The following SNX25 variants were observed in gnomAD, a reference collection of about 807,000 sequenced individuals.
The protein encoded by SNX25 is sorting nexin 25.
In SNX25, 62 loss-of-function variants were observed where a neutral mutation model predicts 113.7. The observed-to-expected ratio is 0.55, with a 90% CI of 0.44 to 0.67. SNX25 has a LOEUF of 0.67. Ranked by LOEUF, SNX25 falls within the 30% of genes least tolerant of loss-of-function variation. The pLI is 0.00. For synonymous variants in SNX25, 421 were observed against 436.2 expected (o/e 0.97, Z 0.43); for missense variants, 1,014 against 1,161.0 (o/e 0.87, Z 1.84).
intron 3 of SNX25, among the ~76,000 whole-genome samples, chr4:185,259,541 C>T (rs1315823348): frequency 6.6e-6 from 1 of 152,038 alleles, no homozygotes; most frequent in Non-Finnish European, 1.5e-5. Flanking sequence ...AGAGAAATTT[C>T]ATTATGAAAG....
At chr4:185,245,355 T>C (rs191228113) in intron 1 of SNX25, among the ~76,000 whole-genome samples, 148 of 152,112 alleles carry the variant, frequency 9.7e-4, no homozygotes, top group African/African-American at 3.5e-3. Flanking sequence ...CTTTTTTTTT[T>C]CTCCCAGACA....
chr4:185,215,962 A>G (rs1221655558), intron 1 of SNX25, among the ~76,000 whole-genome samples: 1 of 151,812 alleles, frequency 6.6e-6, no homozygotes, highest in African/African-American at 2.4e-5. Context: ...ACACCCAGCT[A>G]ATTTTTGTAT....
intron 8 of SNX25, among the ~76,000 whole-genome samples, chr4:185,321,277 T>G (rs1226376333): frequency 1.3e-5 from 2 of 151,676 alleles, no homozygotes; most frequent in Admixed American, 6.6e-5. Context: ...TTTTTTTTTT[T>G]TTTGAGACGG....
chr4:185,358,927 A>G (rs1441574617), intron 16 of SNX25, among the ~76,000 whole-genome samples: 2 of 152,236 alleles, frequency 1.3e-5, no homozygotes, highest in Non-Finnish European at 2.9e-5. Flanking sequence ...TAATAGTTTT[A>G]CCATATAAAG....
downstream of SNX25, chr4:185,364,241 G>C (rs1354897213): frequency 3.3e-5 from 5 of 152,214 alleles, no homozygotes; most frequent in South Asian, 8.3e-4. Context: ...GGGCCGAGAT[G>C]GGGGAGCGGA....
intron 1 of SNX25, among the ~76,000 whole-genome samples, chr4:185,227,446 C>A (rs1456201592): frequency 6.6e-6 from 1 of 152,148 alleles, no homozygotes; most frequent in African/African-American, 2.4e-5. Context: ...TTGCTGTTCC[C>A]GAGTTTACCA....
chr4:185,213,706 A>G (rs1395459466), intron 1 of SNX25, among the ~76,000 whole-genome samples: 1 of 152,204 alleles, frequency 6.6e-6, no homozygotes, highest in Non-Finnish European at 1.5e-5. Flanking sequence ...CACTTGATCC[A>G]ATCAAAACAA....
Position 185,323,790 on chromosome 4 carries a change from A to C in SNX25, c.1739A>C (p.Lys580Thr). 2 of 1,612,810 alleles carry C rather than the reference A, an allele frequency of 1.2e-6. No homozygotes were observed. The highest frequency in any genetic ancestry group is 1.7e-6 in the Non-Finnish European group (2 of 1,179,698). The change falls in exon 9 of 19, where the codon AAG becomes ACG. Residue 580 changes from lysine (K) to threonine (T), a missense_variant. Coordinates refer to ENST00000652585, the MANE Select transcript of SNX25 (RefSeq NM_001378034.2). ...CATGCCTCACAGATGATTTCCAACA[A>C]GGATGAGATGGTGAGTCACATTTAA... is the stretch of plus-strand genomic sequence containing the variant. ...EKHASQMISN[K>T]DEMGPRDEAG... is the part of the protein sequence containing the mutation.
At chr4:185,239,788 T>G (rs1209741277) in intron 1 of SNX25, among the ~76,000 whole-genome samples, 1 of 149,154 alleles carries the variant, frequency 6.7e-6, no homozygotes, top group Non-Finnish European at 1.5e-5. Context: ...TTTTTTTTTT[T>G]TATTGATCAT....
chr4:185,345,628 A>T (rs1054188157), intron 12 of SNX25, among the ~76,000 whole-genome samples: 10 of 151,906 alleles, frequency 6.6e-5, no homozygotes, highest in African/African-American at 2.4e-4. Flanking sequence ...TCGCCTCTAC[A>T]AAAAATTTAA....
At chr4:185,375,801 G>T in the SNX25 span, 2 of 870,934 alleles carry the variant, frequency 2.3e-6, no homozygotes, top group African/African-American at 1.7e-5. Context: ...AAGTGGTCAA[G>T]TGTTTGTGCC....
At chr4:185,243,606 CAAAA>C (rs956527255) in intron 1 of SNX25, among the ~76,000 whole-genome samples, 3 of 152,126 alleles carry the variant, frequency 2.0e-5, no homozygotes, top group African/African-American at 7.2e-5. Context: ...TATCAAAAAA[CAAAA>C]AAACCCCCAA....
the SNX25 span, chr4:185,377,227 A>G: frequency 1.9e-6 from 1 of 524,450 alleles, no homozygotes; most frequent in East Asian, 3.1e-5. Context: ...TGTGTAATAA[A>G]GCAATACTGG....
At chr4:185,282,811 G>A (rs533071683) in intron 5 of SNX25, among the ~76,000 whole-genome samples, 13 of 152,250 alleles carry the variant, frequency 8.5e-5, no homozygotes, top group Non-Finnish European at 1.5e-4. Context: ...AAGGGAAAGC[G>A]TACAAACATC....
rs1432879777 is a variant in SNX25, at chr4:185,342,136, C to T, written c.2187+20C>T. ...AGTGAGGTATGAATACTCATGAACG[C>T]AGTATTCTAGAATTACTGCACAAGA... On this transcript the variant is annotated intron_variant, in intron 12 of 18. Coordinates refer to ENST00000652585, the MANE Select transcript of SNX25 (RefSeq NM_001378034.2). The T allele has an allele frequency of 2.6e-6, 4 of 1,535,686 alleles. No individual in the cohort carries two copies. Among genetic ancestry groups the T allele is most frequent in the Admixed American group, 2.1e-5 (1 of 47,104 alleles).
intron 6 of SNX25, among the ~76,000 whole-genome samples, chr4:185,293,234 C>T (rs989252563): frequency 3.9e-5 from 6 of 152,054 alleles, no homozygotes; most frequent in Middle Eastern, 3.2e-3. Context: ...GGCAGTTCCT[C>T]GAAATTTTAA....
chr4:185,338,848 C>T (rs2095245930), intron 10 of SNX25, among the ~76,000 whole-genome samples: 1 of 152,134 alleles, frequency 6.6e-6, no homozygotes, highest in African/African-American at 2.4e-5. Flanking sequence ...TAAGCCAGTA[C>T]CACACTGTTT....
chr4:185,260,776 C>T (rs1307254506), intron 3 of SNX25, among the ~76,000 whole-genome samples: 1 of 152,134 alleles, frequency 6.6e-6, no homozygotes, highest in Non-Finnish European at 1.5e-5. Flanking sequence ...CTTGGGGACA[C>T]CCAGGAGTCT....
intron 14 of SNX25, among the ~76,000 whole-genome samples, chr4:185,352,059 A>G (rs1237684081): frequency 6.6e-6 from 1 of 152,190 alleles, no homozygotes; most frequent in East Asian, 1.9e-4. Context: ...GGTTCACGCC[A>G]GGCTGAGAGT....
Sources: gnomAD v4.1 joint callset for allele counts (sites outside exome capture counted in the v4.1 genomes callset) on GRCh38, gnomAD v4.1.1 for gene constraint, MANE v1.5 for transcripts, NCBI Gene and HGNC (gene_info 2026-07-23, HGNC 2026-07-21) for gene names.